AUTS2: variants seen among roughly 807,000 people sequenced by gnomAD.
AUTS2 encodes the protein activator of transcription and developmental regulator AUTS2, also known as autism susceptibility gene 2 protein.
In AUTS2, 17 loss-of-function variants were observed where a neutral mutation model predicts 112.4. The observed-to-expected ratio is 0.15, with a 90% CI of 0.10 to 0.23. The LOEUF (loss-of-function observed/expected upper bound fraction) is 0.23. Among genes scored for constraint, AUTS2 ranks in the 10% least tolerant of loss-of-function variants. AUTS2 has a pLI of 1.00. For synonymous variants in AUTS2, 751 were observed against 702.7 expected, an observed-to-expected ratio of 1.07 and a Z score of -1.09; for missense variants, 1,510 against 1,701.6, an observed-to-expected ratio of 0.89 and a Z score of 1.98.
At chr7:70,785,578 CAG>C (rs1180832655) in intron 16 of AUTS2, 5 of 448,242 alleles carry the variant, frequency 1.1e-5, no homozygotes, top group Non-Finnish European at 2.2e-5. Context: ...GGCACGCCCT[CAG>C]AGTTTCATCA....
At chr7:70,073,339 C>T (rs535108688) in intron 2 of AUTS2, among the ~76,000 whole-genome samples, 7 of 151,500 alleles carry the variant, frequency 4.6e-5, no homozygotes, top group South Asian at 4.2e-4. Context: ...GGTGAAACCC[C>T]GTCTCTACTA....
chr7:70,731,142 C>T (rs1178886246), intron 6 of AUTS2, among the ~76,000 whole-genome samples: 7 of 152,042 alleles, frequency 4.6e-5, no homozygotes, highest in East Asian at 1.9e-4. Flanking sequence ...TCTGGATCCT[C>T]GACCTTTACT....
At chr7:70,054,077 T>C (rs1452671428) in intron 2 of AUTS2, among the ~76,000 whole-genome samples, 1 of 152,200 alleles carries the variant, frequency 6.6e-6, no homozygotes, top group Non-Finnish European at 1.5e-5. Flanking sequence ...AAATGTCTTC[T>C]ATGTGCACTA....
At chr7:70,581,334 C>T (rs181005099) in intron 5 of AUTS2, among the ~76,000 whole-genome samples, 35 of 152,102 alleles carry the variant, frequency 2.3e-4, no homozygotes, top group African/African-American at 6.3e-4. Context: ...TGTGGTGAGC[C>T]GAGATTGCGC....
intron 1 of AUTS2, among the ~76,000 whole-genome samples, chr7:69,797,269 AT>A (rs1397740051): frequency 1.3e-5 from 2 of 152,208 alleles, no homozygotes; most frequent in East Asian, 3.9e-4. Flanking sequence ...GTGCTTGAGT[AT>A]TACCTGGGGG....
chr7:70,772,357 A>G (rs113209511), intron 11 of AUTS2, among the ~76,000 whole-genome samples: 2,096 of 152,358 alleles, frequency 0.014, 24 homozygotes, highest in South Asian at 0.027. Flanking sequence ...AGCGTTGGCT[A>G]CAGCTGTCTC....
chr7:69,754,866 C>T (rs1787884998), intron 1 of AUTS2, among the ~76,000 whole-genome samples: 3 of 152,166 alleles, frequency 2.0e-5, no homozygotes, highest in Admixed American at 2.0e-4. Context: ...TCCTAAATTG[C>T]AGGGTTGAGG....
chr7:69,940,302 A>G (rs1796575531), intron 2 of AUTS2, among the ~76,000 whole-genome samples: 1 of 152,216 alleles, frequency 6.6e-6, no homozygotes, highest in African/African-American at 2.4e-5. Context: ...AACAGGGCGA[A>G]TTAACCTAGG....
At chr7:70,612,363 A>G (rs995481107) in intron 5 of AUTS2, among the ~76,000 whole-genome samples, 5 of 152,176 alleles carry the variant, frequency 3.3e-5, no homozygotes, top group Non-Finnish European at 7.3e-5. Context: ...TGCATCTGAC[A>G]TCGTCAGCTG....
chr7:69,780,358 T>C (rs1009326132), intron 1 of AUTS2, among the ~76,000 whole-genome samples: 2 of 152,218 alleles, frequency 1.3e-5, no homozygotes, highest in South Asian at 2.1e-4. Context: ...ATAAAATAAA[T>C]ACTGGAGATT....
chr7:69,778,475 C>A (rs1019618717), intron 1 of AUTS2, among the ~76,000 whole-genome samples: 1 of 151,792 alleles, frequency 6.6e-6, no homozygotes, highest in African/African-American at 2.4e-5. Context: ...AGGACCTAAG[C>A]ATTTTTTTAA....
rs534630394 is a variant in AUTS2, at chr7:70,213,905, A to G, written c.660+79334A>G. Among the ~76,000 whole-genome samples, 285 of 152,348 alleles carry G rather than the reference A, an allele frequency of 1.9e-3. 2 individuals are homozygous for G. Among genetic ancestry groups the G allele is most frequent in the Non-Finnish European group, 3.7e-3 (254 of 68,026 alleles). Reference sequence around the variant, plus strand: ...TTGTAATTGTCGTACATACAATGTTATCATAAGAAAACAGTGAGATAACAG... The same window carrying G: ...TTGTAATTGTCGTACATACAATGTTGTCATAAGAAAACAGTGAGATAACAG... On this transcript the variant is annotated intron_variant, in intron 4 of 18. Transcript: ENST00000342771.
intron 2 of AUTS2, among the ~76,000 whole-genome samples, chr7:69,907,942 TG>T (rs1422855041): frequency 2.0e-5 from 3 of 152,224 alleles, no homozygotes; most frequent in Non-Finnish European, 4.4e-5. Flanking sequence ...ATTACTGAAA[TG>T]GTAGCTTTTG....
At chr7:70,193,288 G>A (rs1202638916) in intron 4 of AUTS2, among the ~76,000 whole-genome samples, 2 of 152,130 alleles carry the variant, frequency 1.3e-5, no homozygotes, top group Non-Finnish European at 2.9e-5. Flanking sequence ...CTTAATGAGG[G>A]AAAAGAAACG....
chr7:69,818,752 G>A (rs1790864314), intron 1 of AUTS2, among the ~76,000 whole-genome samples: 1 of 152,150 alleles, frequency 6.6e-6, no homozygotes, highest in South Asian at 2.1e-4. Flanking sequence ...TAATAATAAT[G>A]TGGCTGGCGA....
chr7:70,031,947 A>G (rs1172404919), intron 2 of AUTS2, among the ~76,000 whole-genome samples: 1 of 152,148 alleles, frequency 6.6e-6, no homozygotes, highest in Admixed American at 6.6e-5. Flanking sequence ...AAACTGTAGA[A>G]TGAAAGCTGC....
At position 69,763,536 on chromosome 7, in the gene AUTS2, CCAT is replaced by C. The variant is rs534883440; in HGVS notation, c.310-135746_310-135744del. ...ATCTTTCCTGACTACTCCCACCTGG[CCAT>C]CATATCATCTTTCTCCATTAGATTT... On this transcript the variant is annotated intron_variant, in intron 1 of 18. Transcript: ENST00000342771. Among the ~76,000 whole-genome samples the C allele has an allele frequency of 4.6e-5, 7 of 152,290 alleles. No homozygotes were observed. In the South Asian group the frequency reaches 1.5e-3, roughly 32 times the overall value.
intron 4 of AUTS2, among the ~76,000 whole-genome samples, chr7:70,296,143 C>A (rs919867255): frequency 2.6e-5 from 4 of 152,168 alleles, no homozygotes; most frequent in Non-Finnish European, 5.9e-5. Flanking sequence ...CTCATACTTC[C>A]CAAGGTCAGT....
At chr7:70,118,295 C>T (rs1805496421) in intron 3 of AUTS2, 62 bp downstream of exon 3, 3 of 1,458,198 alleles carry the variant, frequency 2.1e-6, no homozygotes, top group African/African-American at 1.5e-5. Context: ...GCCACACACA[C>T]ACCATTGGTT....
Sources: gnomAD v4.1 joint callset for allele counts (sites outside exome capture counted in the v4.1 genomes callset) on GRCh38, gnomAD v4.1.1 for gene constraint, MANE v1.5 for transcripts, NCBI Gene and HGNC (gene_info 2026-07-23, HGNC 2026-07-21) for gene names.